The following ITGB5 variants were observed in gnomAD, a reference collection of about 807,000 sequenced individuals.
ITGB5 encodes the protein integrin subunit beta 5.
Under a neutral mutation model 84.8 loss-of-function variants are expected in ITGB5, and 38 were observed. That is an observed-to-expected ratio of 0.45 (90% confidence interval 0.35 to 0.59). ITGB5 has a LOEUF of 0.59. ITGB5 is among the 20% of genes least tolerant of loss of function. ITGB5 has a pLI of 0.01. For missense variants in ITGB5, 905 were observed against 1,034.5 expected (o/e 0.87, Z 1.72); for synonymous variants, 393 against 414.4 (o/e 0.95, Z 0.63).
At chr3:124,871,030 C>T (rs958779911) in intron 2 of ITGB5, among the ~76,000 whole-genome samples, 9 of 152,056 alleles carry the variant, frequency 5.9e-5, no homozygotes, top group African/African-American at 1.9e-4. Flanking sequence ...GCTGGGACTA[C>T]AGGCATGCAC....
At chr3:124,880,949 G>A (rs1272240862) in intron 1 of ITGB5, among the ~76,000 whole-genome samples, 3 of 151,712 alleles carry the variant, frequency 2.0e-5, no homozygotes, top group African/African-American at 7.3e-5. Context: ...AAAAAAGAAA[G>A]GGAAAAAGAA....
intron 4 of ITGB5, among the ~76,000 whole-genome samples, chr3:124,843,008 G>A (rs976353682): frequency 2.0e-5 from 3 of 152,134 alleles, no homozygotes; most frequent in African/African-American, 4.8e-5. Flanking sequence ...TCTCGGGGCC[G>A]GCGGCAGCGA....
intron 9 of ITGB5, among the ~76,000 whole-genome samples, chr3:124,798,912 A>G (rs549538218): frequency 4.8e-4 from 73 of 152,338 alleles, no homozygotes; most frequent in African/African-American, 1.7e-3. Context: ...AGTCCTGCAG[A>G]AAGTCCTGCG....
At chr3:124,833,581 T>A (rs1332974062) in intron 5 of ITGB5, among the ~76,000 whole-genome samples, 1 of 152,188 alleles carries the variant, frequency 6.6e-6, no homozygotes, top group African/African-American at 2.4e-5. Context: ...GTACTTCTGG[T>A]TCTGCTTTAA....
At chr3:124,775,691 C>T (rs1401065379) in intron 10 of ITGB5, among the ~76,000 whole-genome samples, 5 of 152,140 alleles carry the variant, frequency 3.3e-5, no homozygotes, top group African/African-American at 4.8e-5. Flanking sequence ...GGTGGGGAGA[C>T]CTTTCATTTT....
At position 124,859,450 on chromosome 3, in the gene ITGB5, G is replaced by A. The variant is rs1159295489; in HGVS notation, c.157-4C>T. 1 of 1,611,392 alleles carries A rather than the reference G, an allele frequency of 6.2e-7. No homozygotes were observed. On this transcript the variant is annotated splice_region_variant and splice_polypyrimidine_tract_variant and intron_variant, in intron 2 of 14. Coordinates refer to ENST00000296181, the MANE Select transcript of ITGB5 (RefSeq NM_002213.5). ...TGGACCGTGGGCTTCCGAAGTCCTA[G>A]GCAGGGAAAAAGAGGAAGAGAGCAG...
intron 9 of ITGB5, among the ~76,000 whole-genome samples, chr3:124,799,515 G>A (rs3772833): frequency 0.16 from 24,786 of 152,078 alleles, 2,255 homozygotes; most frequent in Admixed American, 0.25. Context: ...AGCCGTGATC[G>A]TGTCACTGCA....
At chr3:124,896,091 G>T (rs1445102334) in intron 1 of ITGB5, among the ~76,000 whole-genome samples, 1 of 152,210 alleles carries the variant, frequency 6.6e-6, no homozygotes, top group Non-Finnish European at 1.5e-5. Flanking sequence ...AAGACGGAAT[G>T]CCTGTTTGAA....
At chr3:124,877,985 G>C (rs1934401752) in intron 1 of ITGB5, among the ~76,000 whole-genome samples, 1 of 152,168 alleles carries the variant, frequency 6.6e-6, no homozygotes, top group Non-Finnish European at 1.5e-5. Context: ...TGAGATTACA[G>C]GCATATGCCA....
At chr3:124,890,522 G>A (rs955394833), upstream of ITGB5, among the ~76,000 whole-genome samples, 2 of 152,110 alleles carry the variant, frequency 1.3e-5, no homozygotes, top group African/African-American at 4.8e-5. Flanking sequence ...TTTAAGCCTA[G>A]GCCCTGTGGA....
In ITGB5 at chr3:124,859,295, C is replaced by T. The variant is rs148179586; in HGVS notation, c.308G>A (p.Gly103Asp). ...TGGTGTCATCTGAATGACGTCCCAGCCTGCAGAGCCCGAACCCTTGCTGCT... is the reference window on the plus strand; with the variant it reads ...TGGTGTCATCTGAATGACGTCCCAGTCTGCAGAGCCCGAACCCTTGCTGCT... ...PLSSKGSGSA[G>D]WDVIQMTPQE... The change falls in exon 3 of 15, where the codon GGC (glycine) becomes GAC (aspartate). Residue 103 changes from glycine (G) to aspartate (D), a missense_variant. Transcript: ENST00000296181. The T allele has an allele frequency of 9.3e-6, 15 of 1,613,994 alleles. No homozygotes were observed. Among genetic ancestry groups the T allele is most frequent in the Non-Finnish European group, 1.2e-5 (14 of 1,180,036 alleles).
intron 10 of ITGB5, among the ~76,000 whole-genome samples, chr3:124,780,317 C>T (rs2063986023): frequency 6.6e-6 from 1 of 152,188 alleles, no homozygotes; most frequent in Non-Finnish European, 1.5e-5. Flanking sequence ...CGCAGTGGGG[C>T]TGCAGGAAGG....
At chr3:124,877,979 A>T (rs1336443229) in intron 1 of ITGB5, among the ~76,000 whole-genome samples, 1 of 152,154 alleles carries the variant, frequency 6.6e-6, no homozygotes, top group Admixed American at 6.6e-5. Flanking sequence ...AATAGCTGAG[A>T]TTACAGGCAT....
At chr3:124,788,455 A>C (rs1296413022) in intron 10 of ITGB5, among the ~76,000 whole-genome samples, 1 of 152,202 alleles carries the variant, frequency 6.6e-6, no homozygotes, top group African/African-American at 2.4e-5. Flanking sequence ...CCTAAGGAAC[A>C]TGCATTGTCC....
At chr3:124,789,410 T>A (rs1623968) in intron 10 of ITGB5, among the ~76,000 whole-genome samples, 211 of 147,902 alleles carry the variant, frequency 1.4e-3, no homozygotes, top group African/African-American at 5.2e-3. Context: ...GACAGGGTTA[T>A]CAGAACCGCC....
chr3:124,873,668 T>C (rs1432128975), intron 1 of ITGB5, 137 bp from the exon 2 acceptor site: 13 of 737,688 alleles, frequency 1.8e-5, no homozygotes, highest in Non-Finnish European at 2.7e-5. Flanking sequence ...CCATTGCTAA[T>C]TGCAGGTTAA....
chr3:124,820,923 T>G (rs2064691947), intron 6 of ITGB5, among the ~76,000 whole-genome samples: 1 of 152,056 alleles, frequency 6.6e-6, no homozygotes, highest in South Asian at 2.1e-4. Flanking sequence ...CGTCTAGAAG[T>G]CAGGAAGTCC....
chr3:124,782,217 A>G (rs533119294), intron 10 of ITGB5, among the ~76,000 whole-genome samples: 1 of 152,342 alleles, frequency 6.6e-6, no homozygotes, highest in Admixed American at 6.5e-5. Context: ...TCTAATTTTT[A>G]CAGATATAGA....
chr3:124,888,408 T>TG (rs540586734), upstream of ITGB5, among the ~76,000 whole-genome samples: 20 of 152,062 alleles, frequency 1.3e-4, no homozygotes, highest in East Asian at 3.7e-3. Context: ...AAGAGTGGGG[T>TG]GGGGTCTTCC....
Sources: allele counts gnomAD v4.1 joint callset (sites outside exome capture counted in the v4.1 genomes callset), GRCh38; gene constraint gnomAD v4.1.1; transcripts MANE v1.5; gene names NCBI Gene and HGNC (gene_info 2026-07-23, HGNC 2026-07-21).